Variants in OPCML observed in about 807,000 individuals in gnomAD.
OPCML encodes opioid binding protein/cell adhesion molecule like.
A neutral mutation model predicts 37.8 loss-of-function variants in OPCML; 13 were observed. The ratio of observed to expected loss-of-function variants is 0.34; its 90% CI spans 0.22 to 0.55. OPCML has a LOEUF of 0.55. Ranked by LOEUF, OPCML falls within the 20% of genes least tolerant of loss-of-function variation. The pLI, the probability that OPCML is intolerant of heterozygous loss-of-function variation, is 0.91. For missense variants in OPCML, 341 were observed against 435.6 expected, an observed-to-expected ratio of 0.78 and a Z score of 1.93; for synonymous variants, 176 against 168.8, an observed-to-expected ratio of 1.04 and a Z score of -0.33.
intron 2 of OPCML, among the ~76,000 whole-genome samples, chr11:132,800,358 A>C (rs1010139501): frequency 6.6e-6 from 1 of 152,152 alleles, no homozygotes; most frequent in Non-Finnish European, 1.5e-5. Context: ...TTACAAAAAG[A>C]TACTTTCCTT....
intron 3 of OPCML, among the ~76,000 whole-genome samples, chr11:132,592,727 C>G (rs2096486462): frequency 6.6e-6 from 1 of 152,072 alleles, no homozygotes; most frequent in Admixed American, 6.5e-5. Context: ...GTATGTTTCC[C>G]CCAAAAAAAG....
intron 1 of OPCML, among the ~76,000 whole-genome samples, chr11:133,303,577 T>A (rs755503133): frequency 1.3e-5 from 2 of 152,324 alleles, no homozygotes; most frequent in Non-Finnish European, 2.9e-5. Context: ...ATAACTTGCA[T>A]CACAATGGAT....
intron 1 of OPCML, among the ~76,000 whole-genome samples, chr11:133,427,181 G>A (rs115760888): frequency 0.012 from 1,794 of 151,950 alleles, 26 homozygotes; most frequent in East Asian, 0.055. Flanking sequence ...AAGTGACCAC[G>A]GACCTTATAA....
chr11:133,024,387 T>A (rs936611880), intron 1 of OPCML: 5 of 985,176 alleles, frequency 5.1e-6, no homozygotes, highest in Non-Finnish European at 6.0e-6. Context: ...CTCATTAGGA[T>A]GGAGACCTCT....
At chr11:132,698,359 T>C (rs2917568) in intron 2 of OPCML, among the ~76,000 whole-genome samples, 74,883 of 151,444 alleles carry the variant, frequency 0.49, 18,592 homozygotes, top group Admixed American at 0.56. Context: ...TTATGTATGT[T>C]TGTGGTTTTG....
At chr11:132,694,612 G>A (rs1784172) in intron 2 of OPCML, among the ~76,000 whole-genome samples, 12,398 of 152,260 alleles carry the variant, frequency 0.081, 622 homozygotes, top group Non-Finnish European at 0.11. Context: ...GCTGCCAGTT[G>A]CTTCCTATCT....
At position 133,184,617 on chromosome 11, in the gene OPCML, C is replaced by T. The variant is rs1019992664; in HGVS notation, c.62-241607G>A. On this transcript the variant is annotated intron_variant, in intron 1 of 7. Transcript: ENST00000524381. The stretch of plus-strand genomic sequence containing the variant: ...AATCACCATTGGCAGATCTATAAAA[C>T]CCAGGTCCATTAAATTAACTATCTA... 3.3e-5 allele frequency among the ~76,000 whole-genome samples: 5 copies of T among 152,136 alleles called. No homozygotes were observed. In the South Asian group the frequency reaches 1.0e-3, roughly 32 times the overall value.
chr11:133,483,685 T>TAGAG (rs1426756024), intron 1 of OPCML, among the ~76,000 whole-genome samples: 3 of 132,898 alleles, frequency 2.3e-5, no homozygotes, highest in Non-Finnish European at 4.8e-5. Context: ...GATAGATAGA[T>TAGAG]AGATAGATAG....
intron 4 of OPCML, among the ~76,000 whole-genome samples, chr11:132,446,774 C>T (rs750503957): frequency 4.4e-4 from 67 of 152,026 alleles, no homozygotes; most frequent in Non-Finnish European, 7.8e-4. Context: ...CATAATTAAA[C>T]GACAGCATTT....
chr11:132,602,776 C>A (rs1433712866), intron 3 of OPCML, among the ~76,000 whole-genome samples: 2 of 152,222 alleles, frequency 1.3e-5, no homozygotes, highest in East Asian at 1.9e-4. Context: ...TGTAGAACAA[C>A]CTTAGCGTCC....
chr11:132,781,782 A>G (rs1182815839), intron 2 of OPCML, among the ~76,000 whole-genome samples: 2 of 151,792 alleles, frequency 1.3e-5, no homozygotes, highest in African/African-American at 4.8e-5. Context: ...TGAAACCAGC[A>G]GAAAAATAAT....
chr11:132,458,290 T>C (rs960507934), intron 4 of OPCML, among the ~76,000 whole-genome samples: 3 of 152,194 alleles, frequency 2.0e-5, no homozygotes, highest in African/African-American at 4.8e-5. Context: ...AGAAGATAAG[T>C]TGCATAAATC....
At chr11:132,837,418 T>C (rs964585045) in intron 2 of OPCML, among the ~76,000 whole-genome samples, 1 of 152,190 alleles carries the variant, frequency 6.6e-6, no homozygotes, top group African/African-American at 2.4e-5. Context: ...CACTTATCCA[T>C]GGACCCATTG....
intron 3 of OPCML, among the ~76,000 whole-genome samples, chr11:132,647,135 A>G (rs1457049615): frequency 6.6e-6 from 1 of 152,188 alleles, no homozygotes; most frequent in Non-Finnish European, 1.5e-5. Context: ...AAGTTAAGCT[A>G]GAAGCTGAGT....
At chr11:132,505,229 A>T (rs78967252) in intron 4 of OPCML, among the ~76,000 whole-genome samples, 28 of 150,858 alleles carry the variant, frequency 1.9e-4, no homozygotes, top group African/African-American at 6.6e-4. Context: ...TTCGAGAATG[A>T]GTATTGAGAA....
chr11:133,325,539 T>C (rs1943430733), intron 1 of OPCML, among the ~76,000 whole-genome samples: 1 of 152,234 alleles, frequency 6.6e-6, no homozygotes, highest in South Asian at 2.1e-4. Context: ...TATATGTTTG[T>C]GCATATATGT....
intron 1 of OPCML, among the ~76,000 whole-genome samples, chr11:133,443,740 C>T (rs1159553908): frequency 6.6e-6 from 1 of 152,132 alleles, no homozygotes; most frequent in Admixed American, 6.6e-5. Flanking sequence ...GGTGGCTGAG[C>T]CTCTGTCCTA....
chr11:133,381,570 C>T (rs769809937), intron 1 of OPCML, among the ~76,000 whole-genome samples: 1 of 152,130 alleles, frequency 6.6e-6, no homozygotes, highest in Non-Finnish European at 1.5e-5. Flanking sequence ...CGGAAAGACA[C>T]ACACTCACAC....
At chr11:133,230,919 C>A (rs767027748) in intron 1 of OPCML, among the ~76,000 whole-genome samples, 1 of 152,186 alleles carries the variant, frequency 6.6e-6, no homozygotes, top group African/African-American at 2.4e-5. Context: ...AAGGCAAATA[C>A]TTCTGGGAGC....
Sources: gnomAD v4.1 joint callset for allele counts (sites outside exome capture counted in the v4.1 genomes callset) on GRCh38, gnomAD v4.1.1 for gene constraint, MANE v1.5 for transcripts, NCBI Gene and HGNC (gene_info 2026-07-23, HGNC 2026-07-21) for gene names.